The following XKR9 variants were observed in gnomAD, a reference collection of about 807,000 sequenced individuals.
XKR9 encodes the protein XK related 9, also known as XK-related protein 9.
A neutral mutation model predicts 32.0 loss-of-function variants in XKR9; 32 were observed. The ratio of observed to expected loss-of-function variants is 1.00; its 90% confidence interval spans 0.76 to 1.34. The LOEUF (loss-of-function observed/expected upper bound fraction) is 1.34. Among genes scored for constraint, XKR9 ranks in the 40% most tolerant of loss-of-function variants. The pLI, the probability that XKR9 is intolerant of heterozygous loss-of-function variation, is 0.00. For missense variants in XKR9, 546 were observed against 429.7 expected (o/e 1.27, Z -2.39); for synonymous variants, 168 against 143.4 (o/e 1.17, Z -1.22).
chr8:71,054,452 C>CTG, the XKR9 span, among the ~76,000 whole-genome samples: 2 of 152,180 alleles, frequency 1.3e-5, no homozygotes, highest in African/African-American at 4.8e-5. Flanking sequence ...GATAACATCT[C>CTG]TGCTCTGAGG....
At chr8:70,685,210 T>C (rs1027498938) in intron 3 of XKR9, among the ~76,000 whole-genome samples, 6 of 149,426 alleles carry the variant, frequency 4.0e-5, no homozygotes, top group African/African-American at 1.5e-4. Flanking sequence ...ATGGGTGAAA[T>C]TGGAAATCAT....
At chr8:70,996,247 T>C in the XKR9 span, among the ~76,000 whole-genome samples, 2 of 152,334 alleles carry the variant, frequency 1.3e-5, no homozygotes, top group African/African-American at 4.8e-5. Context: ...TGTTTTTGCT[T>C]TTCTTTTACA....
chr8:70,832,462 T>A, the XKR9 span, among the ~76,000 whole-genome samples: 1 of 152,120 alleles, frequency 6.6e-6, no homozygotes, highest in South Asian at 2.1e-4. Context: ...AGACAAAAGA[T>A]GACAGAAGGG....
chr8:70,816,895 A>C, the XKR9 span, among the ~76,000 whole-genome samples: 3 of 152,206 alleles, frequency 2.0e-5, no homozygotes, highest in Non-Finnish European at 4.4e-5. Context: ...CAATACATGC[A>C]GAAAAAGCTT....
intron 2 of XKR9, among the ~76,000 whole-genome samples, chr8:70,777,833 T>C (rs569899278): frequency 6.6e-6 from 1 of 152,204 alleles, no homozygotes; most frequent in South Asian, 2.1e-4. Flanking sequence ...GTTGAAATTC[T>C]TTGTAGATTC....
chr8:71,057,560 G>A, the XKR9 span, among the ~76,000 whole-genome samples: 1 of 152,080 alleles, frequency 6.6e-6, no homozygotes, highest in Non-Finnish European at 1.5e-5. Context: ...TACTTAAAAG[G>A]TTATTGCCTT....
At chr8:70,724,132 T>TGC (rs1806377465) in intron 4 of XKR9, among the ~76,000 whole-genome samples, 1 of 151,914 alleles carries the variant, frequency 6.6e-6, no homozygotes, top group Non-Finnish European at 1.5e-5. Flanking sequence ...CATTTTGCTG[T>TGC]GCTGTGGTGA....
the XKR9 span, among the ~76,000 whole-genome samples, chr8:70,917,407 T>A: frequency 1.6e-3 from 237 of 152,352 alleles, no homozygotes; most frequent in African/African-American, 5.5e-3. Context: ...ATCTGTTTTG[T>A]TCACGTCTAT....
chr8:70,770,818 T>C (rs1218694674), intron 2 of XKR9, among the ~76,000 whole-genome samples: 2 of 152,190 alleles, frequency 1.3e-5, no homozygotes, highest in East Asian at 3.9e-4. Flanking sequence ...GCAGTGAGAA[T>C]TTCCAGCCTG....
At chr8:71,003,891 A>G in the XKR9 span, among the ~76,000 whole-genome samples, 1 of 152,202 alleles carries the variant, frequency 6.6e-6, no homozygotes, top group Non-Finnish European at 1.5e-5. Context: ...TAAACCAATA[A>G]TATTACAAAA....
the XKR9 span, among the ~76,000 whole-genome samples, chr8:70,809,515 G>A: frequency 1.1e-4 from 16 of 152,222 alleles, no homozygotes; most frequent in African/African-American, 2.9e-4. Flanking sequence ...GAGGAAGTTC[G>A]AGCCCATGGC....
chr8:70,975,280 C>T, the XKR9 span, among the ~76,000 whole-genome samples: 4 of 152,106 alleles, frequency 2.6e-5, no homozygotes. Context: ...CTTTTGTTGC[C>T]ATTGCTTTTG....
chr8:70,965,931 T>C, the XKR9 span, among the ~76,000 whole-genome samples: 2 of 151,998 alleles, frequency 1.3e-5, no homozygotes, highest in East Asian at 3.9e-4. Context: ...TCAGCTCTGA[T>C]CTTGGTCATT....
At chr8:70,958,641 G>T in the XKR9 span, among the ~76,000 whole-genome samples, 1 of 152,236 alleles carries the variant, frequency 6.6e-6, no homozygotes, top group East Asian at 1.9e-4. Context: ...CTATTCTGTA[G>T]GTTGTCTGTT....
At chr8:70,759,348 G>C (rs964221827) in intron 2 of XKR9, among the ~76,000 whole-genome samples, 1 of 152,134 alleles carries the variant, frequency 6.6e-6, no homozygotes, top group African/African-American at 2.4e-5. Context: ...ATTTTAGAAA[G>C]GGGGTGGAGA....
chr8:70,810,735 G>A, the XKR9 span, among the ~76,000 whole-genome samples: 1 of 152,162 alleles, frequency 6.6e-6, no homozygotes, highest in Non-Finnish European at 1.5e-5. Flanking sequence ...AACAAGAAGA[G>A]CTCACTATCC....
the XKR9 span, among the ~76,000 whole-genome samples, chr8:70,915,885 G>A: frequency 3.3e-5 from 5 of 152,134 alleles, no homozygotes; most frequent in South Asian, 6.2e-4. Flanking sequence ...AGGCTTTTCC[G>A]AAGTCACTCC....
intron 2 of XKR9, among the ~76,000 whole-genome samples, chr8:70,741,044 T>C (rs1055993072): frequency 8.5e-5 from 13 of 152,204 alleles, no homozygotes; most frequent in Admixed American, 7.2e-4. Flanking sequence ...CTGCTGTCTT[T>C]TTGTTTGTCT....
chr8:70,777,849 A>G (rs1563477572), intron 2 of XKR9, among the ~76,000 whole-genome samples: 1 of 152,068 alleles, frequency 6.6e-6, no homozygotes, highest in Non-Finnish European at 1.5e-5. Flanking sequence ...GATTCTGGAT[A>G]ATAGCCCTTT....
Sources: allele counts gnomAD v4.1 joint callset (sites outside exome capture counted in the v4.1 genomes callset), GRCh38; gene constraint gnomAD v4.1.1; transcripts MANE v1.5; gene names NCBI Gene and HGNC (gene_info 2026-07-23, HGNC 2026-07-21).